NRXN1: variants seen among roughly 807,000 people sequenced by gnomAD.
NRXN1 encodes the protein neurexin-1.
In NRXN1, 39 loss-of-function variants were observed where a neutral mutation model predicts 150.9. The observed-to-expected ratio is 0.26, with a 90% CI of 0.20 to 0.34. The LOEUF is 0.34. Ranked by LOEUF, NRXN1 falls within the 10% of genes least tolerant of loss-of-function variation. NRXN1 has a pLI of 1.00. For synonymous variants in NRXN1, 924 were observed against 757.0 expected, an observed-to-expected ratio of 1.22 and a Z score of -3.62; for missense variants, 1,815 against 1,949.9, an observed-to-expected ratio of 0.93 and a Z score of 1.30.
At chr2:50,640,252 TA>T (rs982008329) in intron 5 of NRXN1, among the ~76,000 whole-genome samples, 2 of 152,126 alleles carry the variant, frequency 1.3e-5, no homozygotes, top group African/African-American at 4.8e-5. Flanking sequence ...GTGGAAATGG[TA>T]AAAACGCAGA....
chr2:50,949,201 C>T (rs1349490193), intron 2 of NRXN1, among the ~76,000 whole-genome samples: 1 of 151,918 alleles, frequency 6.6e-6, no homozygotes, highest in Non-Finnish European at 1.5e-5. Flanking sequence ...TTCTTATCTC[C>T]ATAATAACAT....
At chr2:50,487,997 T>C (rs1344663894) in intron 15 of NRXN1, among the ~76,000 whole-genome samples, 1 of 152,178 alleles carries the variant, frequency 6.6e-6, no homozygotes, top group Non-Finnish European at 1.5e-5. Flanking sequence ...CAAAAACAAA[T>C]GCTGCTCACT....
intron 18 of NRXN1, among the ~76,000 whole-genome samples, chr2:50,154,873 A>C (rs2152777241): frequency 6.6e-6 from 1 of 151,788 alleles, no homozygotes; most frequent in East Asian, 1.9e-4. Context: ...GCATTAAGAA[A>C]AAAAAGCATT....
At chr2:50,926,467 G>T (rs1217259758) in intron 2 of NRXN1, among the ~76,000 whole-genome samples, 1 of 151,704 alleles carries the variant, frequency 6.6e-6, no homozygotes, top group Non-Finnish European at 1.5e-5. Context: ...TACCTCAATT[G>T]CTTTCCTTAA....
At chr2:50,474,761 G>C (rs1377322513) in intron 15 of NRXN1, among the ~76,000 whole-genome samples, 1 of 144,430 alleles carries the variant, frequency 6.9e-6, no homozygotes, top group African/African-American at 2.6e-5. Flanking sequence ...TAGCACCTCA[G>C]TGAGCACCTG....
chr2:50,855,501 T>C (rs1202331904), intron 5 of NRXN1, among the ~76,000 whole-genome samples: 1 of 151,970 alleles, frequency 6.6e-6, no homozygotes, highest in Non-Finnish European at 1.5e-5. Context: ...TTCCTTCAAA[T>C]AGTAAGTTAA....
intron 12 of NRXN1, among the ~76,000 whole-genome samples, chr2:50,525,384 C>T (rs1343164963): frequency 1.3e-5 from 2 of 152,154 alleles, no homozygotes; most frequent in Admixed American, 1.3e-4. Flanking sequence ...TTCCCATCTA[C>T]CCTTATTAAA....
At chr2:50,302,917 CCA>C (rs2074291406) in intron 17 of NRXN1, among the ~76,000 whole-genome samples, 2 of 3,622 alleles carry the variant, frequency 5.5e-4, no homozygotes, top group Non-Finnish European at 9.5e-4. Flanking sequence ...ACCAGGCCAT[CCA>C]TCCATCCATC....
intron 5 of NRXN1, among the ~76,000 whole-genome samples, chr2:50,872,590 G>T (rs1677948876): frequency 1.3e-5 from 2 of 151,418 alleles, no homozygotes. Context: ...TTAGGCCAGG[G>T]CTCAAGAAAA....
intron 21 of NRXN1, among the ~76,000 whole-genome samples, chr2:49,989,076 T>C (rs944242905): frequency 6.6e-6 from 1 of 152,178 alleles, no homozygotes; most frequent in African/African-American, 2.4e-5. Context: ...TTTAAGCTTA[T>C]GAATGCTAAG....
chr2:50,054,942 C>A lies in NRXN1; in HGVS notation c.3808+13G>T. The A allele has an allele frequency of 6.7e-7, 1 of 1,503,124 alleles. No homozygotes were observed. Among genetic ancestry groups the A allele is most frequent in the South Asian group, 1.3e-5 (1 of 75,736 alleles). 93.1% of individuals were successfully genotyped at this position (1,503,124 alleles called of 1,614,324 possible). On this transcript the variant is annotated intron_variant, in intron 20 of 22. Coordinates refer to ENST00000401669, the MANE Select transcript of NRXN1 (RefSeq NM_001330078.2). ...TTATTTTTTTATTTGAAGTTTTAAT[C>A]AATGTTTTTTACCTTTGTCGAGTAG...
At chr2:50,622,464 T>C (rs1419176637) in intron 6 of NRXN1, among the ~76,000 whole-genome samples, 1 of 152,250 alleles carries the variant, frequency 6.6e-6, no homozygotes, top group East Asian at 1.9e-4. Flanking sequence ...AATTAGTCAC[T>C]GTCAACACTT....
intron 16 of NRXN1, chr2:50,466,570 T>G (rs2088885903): frequency 2.2e-6 from 1 of 450,196 alleles, no homozygotes; most frequent in Non-Finnish European, 4.4e-6. Context: ...CAGAAGAATG[T>G]TCAGATTCAA....
At chr2:50,140,841 T>A (rs1196539391) in intron 18 of NRXN1, among the ~76,000 whole-genome samples, 1 of 152,018 alleles carries the variant, frequency 6.6e-6, no homozygotes, top group African/African-American at 2.4e-5. Flanking sequence ...AATATCTGAT[T>A]GTGGTAAACT....
chr2:49,985,437 TG>T (rs1680743348), intron 21 of NRXN1, among the ~76,000 whole-genome samples: 1 of 152,198 alleles, frequency 6.6e-6, no homozygotes, highest in Non-Finnish European at 1.5e-5. Context: ...TATAGATTCA[TG>T]TGAAGCCTGG....
chr2:50,981,956 G>C (rs1350646914), intron 2 of NRXN1, among the ~76,000 whole-genome samples: 1 of 151,838 alleles, frequency 6.6e-6, no homozygotes, highest in Non-Finnish European at 1.5e-5. Flanking sequence ...AAGAGAGACA[G>C]AGAGAGAGAT....
chr2:50,469,046 T>C (rs1318487943), intron 16 of NRXN1, among the ~76,000 whole-genome samples: 4 of 151,600 alleles, frequency 2.6e-5, no homozygotes, highest in Admixed American at 6.6e-5. Flanking sequence ...GCCCATTTTC[T>C]GCTACATAAA....
chr2:50,119,541 T>A (rs771527390), intron 18 of NRXN1, among the ~76,000 whole-genome samples: 4 of 149,676 alleles, frequency 2.7e-5, no homozygotes, highest in Non-Finnish European at 1.5e-5. Context: ...CAGGGAAGGG[T>A]TGAAAGAAAA....
rs372868708 is a variant in NRXN1, at chr2:50,878,825, G to T, written c.832+43044C>A. 9.9e-5 allele frequency among the ~76,000 whole-genome samples: 15 copies of T among 151,986 alleles called. No individual in the cohort carries two copies. In the East Asian group the frequency reaches 2.0e-3, roughly 20 times the overall value. On this transcript the variant is annotated intron_variant, in intron 5 of 22. Coordinates refer to ENST00000401669, the MANE Select transcript of NRXN1 (RefSeq NM_001330078.2). The stretch of plus-strand genomic sequence containing the variant: ...CTGGTAGAGTTTTTCCTTCCCCAGG[G>T]ATTCTCTACAAGGTAGGTTTTTGCT...
Sources: allele counts gnomAD v4.1 joint callset (sites outside exome capture counted in the v4.1 genomes callset), GRCh38; gene constraint gnomAD v4.1.1; transcripts MANE v1.5; gene names NCBI Gene and HGNC (gene_info 2026-07-23, HGNC 2026-07-21).